PCNX2: variants seen among roughly 807,000 people sequenced by gnomAD.
PCNX2 encodes the protein pecanex 2.
PCNX2 carries 168 observed loss-of-function variants against 223.8 expected under a neutral mutation model. That is an observed-to-expected ratio of 0.75 (90% CI 0.66 to 0.85). The LOEUF (loss-of-function observed/expected upper bound fraction) is 0.85, where lower values mean the gene tolerates loss of function less well. PCNX2 is among the 40% of genes least tolerant of loss of function. The pLI is 0.00. For synonymous variants in PCNX2, 1,006 were observed against 1,052.6 expected (o/e 0.96, Z 0.86); for missense variants, 2,507 against 2,675.5 (o/e 0.94, Z 1.39).
intron 1 of PCNX2, among the ~76,000 whole-genome samples, chr1:233,265,275 T>C (rs1572175232): frequency 1.3e-5 from 2 of 151,332 alleles, no homozygotes; most frequent in East Asian, 3.9e-4. Flanking sequence ...ATTCAAGAGA[T>C]TGTTGAATTT....
chr1:233,289,826 G>A (rs1661656454), intron 1 of PCNX2, among the ~76,000 whole-genome samples: 1 of 152,224 alleles, frequency 6.6e-6, no homozygotes, highest in Non-Finnish European at 1.5e-5. Context: ...AGCAGTTCAA[G>A]AGAATAACAA....
In PCNX2 at chr1:233,015,612, G is replaced by T. The variant is rs1320970337; in HGVS notation, c.4840-835C>A. Among the ~76,000 whole-genome samples the T allele has an allele frequency of 3.9e-5, 6 of 152,188 alleles. No individual in the cohort carries two copies. The East Asian group carries it at 1.2e-3, about 29-fold the overall frequency. On this transcript the variant is annotated intron_variant, in intron 27 of 33. Transcript: ENST00000258229. ...GGAGGCTGAGGCAGGAGAGTCGCTG[G>T]AACCCGGGGGGCAGAGGCTGCAGTG...
intron 1 of PCNX2, chr1:233,290,832 C>A (rs1661717397): frequency 1.0e-6 from 1 of 985,258 alleles, no homozygotes; most frequent in Non-Finnish European, 1.2e-6. Flanking sequence ...AAAGCTCCAG[C>A]CATAGAACGA....
intron 1 of PCNX2, chr1:233,285,164 G>A (rs1368713864): frequency 4.6e-6 from 1 of 215,724 alleles, no homozygotes; most frequent in Non-Finnish European, 7.9e-6. Flanking sequence ...ACCAGCCTGG[G>A]TAGCAGAGCA....
Position 232,986,502 on chromosome 1 carries a change from AGT to A in PCNX2, c.5828_5829del (p.His1943LeufsTer68). The A allele has an allele frequency of 1.3e-6, 2 of 1,576,878 alleles. No homozygotes were observed. The highest frequency in any genetic ancestry group is 1.7e-6 in the Non-Finnish European group (2 of 1,159,388). Reference sequence around the variant, plus strand: ...ATGGGCGGCCTTTGGCTTAGCGCTGAGTGTGCCTGCACGGACTGGCTCCTGCC... The same window carrying A: ...ATGGGCGGCCTTTGGCTTAGCGCTGAGTGCCTGCACGGACTGGCTCCTGCC... ...RKGRSQSVQAHSALSQRPPML... is the reference protein window; with the variant it reads ...RKGRSQSVQAXSALSQRPPML... On this transcript the variant is annotated frameshift_variant, in exon 33 of 34. Transcript: ENST00000258229. LOFTEE classifies it high-confidence loss of function.
intron 17 of PCNX2, among the ~76,000 whole-genome samples, chr1:233,175,855 T>C (rs1457605702): frequency 6.6e-6 from 1 of 152,214 alleles, no homozygotes; most frequent in Admixed American, 6.5e-5. Flanking sequence ...AAAGCCTTAA[T>C]ACTAGTTTGA....
At chr1:233,268,655 A>C (rs1038855627) in intron 1 of PCNX2, among the ~76,000 whole-genome samples, 15 of 152,196 alleles carry the variant, frequency 9.9e-5, no homozygotes, top group Non-Finnish European at 2.1e-4. Flanking sequence ...GACCTGACTG[A>C]GAACCAGAGA....
At chr1:233,021,928 C>T (rs1488247333) in intron 26 of PCNX2, among the ~76,000 whole-genome samples, 1 of 152,168 alleles carries the variant, frequency 6.6e-6, no homozygotes, top group Non-Finnish European at 1.5e-5. Flanking sequence ...AACTACCAGT[C>T]CAAGGAAAGA....
At chr1:233,086,471 C>A (rs972278815) in intron 23 of PCNX2, among the ~76,000 whole-genome samples, 19 of 151,500 alleles carry the variant, frequency 1.3e-4, no homozygotes, top group Non-Finnish European at 1.9e-4. Context: ...TCCTGGCTAA[C>A]ACGGTGAAAC....
At chr1:233,267,003 G>GT (rs112063659) in intron 1 of PCNX2, among the ~76,000 whole-genome samples, 1,595 of 150,792 alleles carry the variant, frequency 0.011, 14 homozygotes, top group South Asian at 0.029. Context: ...TCACTACTCT[G>GT]TTTTTTTTTC....
At chr1:233,176,796 G>A (rs1046513783) in intron 17 of PCNX2, among the ~76,000 whole-genome samples, 5 of 152,178 alleles carry the variant, frequency 3.3e-5, no homozygotes, top group East Asian at 1.9e-4. Flanking sequence ...GGCAGATCAC[G>A]TGGTCAGGAG....
intron 1 of PCNX2, chr1:233,293,859 C>T (rs1661915023): frequency 1.4e-6 from 1 of 728,664 alleles, no homozygotes; most frequent in Non-Finnish European, 1.7e-6. Context: ...AGGATTTCAC[C>T]CTGGTGAGGG....
chr1:233,194,697 TCAAAA>T (rs1680619478), intron 15 of PCNX2, among the ~76,000 whole-genome samples: 1 of 151,982 alleles, frequency 6.6e-6, no homozygotes, highest in Non-Finnish European at 1.5e-5. Flanking sequence ...TTACATAATG[TCAAAA>T]CAAGACAAAG....
At chr1:233,003,155 G>A (rs1040626446) in intron 28 of PCNX2, among the ~76,000 whole-genome samples, 13 of 152,306 alleles carry the variant, frequency 8.5e-5, no homozygotes, top group Non-Finnish European at 4.4e-5. Context: ...ATTGACAAAT[G>A]GGATCTAATT....
rs757432332 is a variant in PCNX2 at position 233,017,131 on chromosome 1, C to G, written c.4629G>C (p.Thr1543=). 2.3e-6 allele frequency: 3 copies of G among 1,327,056 alleles called. No individual in the cohort carries two copies. The highest frequency in any genetic ancestry group is 5.1e-5 in the African/African-American group (2 of 38,884). 82.2% of individuals were successfully genotyped at this position (1,327,056 alleles called of 1,614,324 possible). The stretch of plus-strand genomic sequence containing the variant: ...TGATCCAGGAGAGGAGTTTGGGAGA[C>G]GTTACCATATAGTATATTATACTCT... ...YIKSIIYYMV[T]SPKLLSWIKN... is the part of the protein sequence containing the mutation. Residue 1543 remains threonine, a synonymous_variant, in exon 27 of 34, where the codon ACG becomes ACC. Transcript: ENST00000258229.
rs1180725355 is a variant in PCNX2, at chr1:233,261,314, G to A, written c.488C>T (p.Ser163Leu). 8 of 1,612,684 alleles carry A rather than the reference G, an allele frequency of 5.0e-6. No individual in the cohort carries two copies. Among genetic ancestry groups the A allele is most frequent in the Non-Finnish European group, 5.9e-6 (7 of 1,179,106 alleles). The change falls in exon 4 of 34, where the codon TCA (serine) becomes TTA (leucine). Residue 163 changes from serine to leucine, a missense_variant. By Grantham distance (145) the Ser-to-Leu change is moderately radical. Transcript: ENST00000258229. ...GAGATCTTCTACAGTTTCCTGTGCT[G>A]ACAACTCCTACACAAATGAAAGAAA... ...SHHSSGPLEL[S>L]AQETVEDLKG...
rs752895048 is a variant in PCNX2 at position 233,262,047 on chromosome 1, A to C, written c.478T>G (p.Leu160Val). ...AAACAGGAAAGAAGACCACTAACCA[A>C]TGGCCCAGAAGAGTGATGAGAGGTT... is the stretch of plus-strand genomic sequence containing the variant. ...SITSHHSSGP[L>V]ELSAQETVED... The change falls in exon 3 of 34, where the codon TTG becomes GTG. Residue 160 changes from leucine (L) to valine (V), a missense_variant and splice_region_variant. This residue lies in a region of PCNX2 where 1,031 missense variants were observed against 1,021.7 expected (regional missense o/e 1.01). Transcript: ENST00000258229. 1.2e-6 allele frequency: 2 copies of C among 1,613,388 alleles called. No homozygotes were observed. The highest frequency in any genetic ancestry group is 1.7e-6 in the Non-Finnish European group (2 of 1,179,482).
chr1:233,156,945 C>A (rs955037197), intron 19 of PCNX2, among the ~76,000 whole-genome samples: 1 of 151,800 alleles, frequency 6.6e-6, no homozygotes, highest in East Asian at 1.9e-4. Flanking sequence ...AAACAAAAAA[C>A]GCAGAGACTT....
At chr1:233,046,217 A>G (rs925041004) in intron 25 of PCNX2, among the ~76,000 whole-genome samples, 1 of 152,222 alleles carries the variant, frequency 6.6e-6, no homozygotes, top group Non-Finnish European at 1.5e-5. Flanking sequence ...AGGGAGAACA[A>G]GCCCATCTAT....
Sources: allele counts gnomAD v4.1 joint callset (sites outside exome capture counted in the v4.1 genomes callset), GRCh38; gene constraint gnomAD v4.1.1; regional missense constraint gnomAD v4.1.1; transcripts MANE v1.5; gene names NCBI Gene and HGNC (gene_info 2026-07-23, HGNC 2026-07-21).